Variants in MVB12A observed in about 807,000 individuals in gnomAD.
MVB12A encodes the protein multivesicular body subunit 12A.
A neutral mutation model predicts 34.3 loss-of-function variants in MVB12A; 30 were observed. The observed-to-expected ratio is 0.88, with a 90% confidence interval of 0.65 to 1.19. The LOEUF is 1.19. MVB12A is among the 50% of genes most tolerant of loss of function. The pLI, the probability that MVB12A is intolerant of heterozygous loss-of-function variation, is 0.00. For synonymous variants in MVB12A, 158 were observed against 158.9 expected (o/e 0.99, Z 0.04); for missense variants, 355 against 369.2 (o/e 0.96, Z 0.31).
chr19:17,424,486 A>C (rs1470569350), intron 7 of MVB12A, 135 bp from the exon 8 acceptor site: 5 of 952,536 alleles, frequency 5.2e-6, no homozygotes, highest in African/African-American at 5.0e-5. Flanking sequence ...CAAAACAAAC[A>C]AGAAAAATAA....
intron 2 of MVB12A, among the ~76,000 whole-genome samples, chr19:17,410,726 C>T (rs1409819061): frequency 1.4e-5 from 2 of 145,838 alleles, no homozygotes; most frequent in Non-Finnish European, 3.0e-5. Flanking sequence ...GTCAGGAGTT[C>T]GAGACCAGCC....
chr19:17,424,695 G>A lies in MVB12A; in HGVS notation c.759+18G>A. On this transcript the variant is annotated intron_variant, in intron 8 of 8. Transcript: ENST00000317040. Reference sequence around the variant, plus strand: ...AGGAGGAGGTGGGTGCAGGGCTAGGGAGGAGGTGGGTGCAGGGCTAGGGAG... The same window carrying A: ...AGGAGGAGGTGGGTGCAGGGCTAGGAAGGAGGTGGGTGCAGGGCTAGGGAG... The A allele has an allele frequency of 6.2e-7, 1 of 1,600,030 alleles. No homozygotes were observed. The highest frequency in any genetic ancestry group is 8.5e-7 in the Non-Finnish European group (1 of 1,171,060).
chr19:17,424,139 TC>T, intron 7 of MVB12A, 72 bp downstream of exon 7: 1 of 1,455,886 alleles, frequency 6.9e-7, no homozygotes, highest in Non-Finnish European at 9.6e-7. Context: ...CATCCCTGTA[TC>T]CAGTGCCCCA....
intron 2 of MVB12A, among the ~76,000 whole-genome samples, chr19:17,408,510 G>A (rs1031662725): frequency 2.0e-5 from 3 of 150,442 alleles, no homozygotes; most frequent in African/African-American, 4.9e-5. Flanking sequence ...GCAGTGGCAC[G>A]ATCTTGGCTC....
intron 7 of MVB12A, 61 bp from the exon 8 acceptor site, chr19:17,424,560 C>G: frequency 2.4e-5 from 38 of 1,567,826 alleles, no homozygotes; most frequent in Non-Finnish European, 3.2e-5. Flanking sequence ...CCCTTGAAGA[C>G]GAAGGAAAGG....
intron 7 of MVB12A, among the ~76,000 whole-genome samples, chr19:17,424,371 C>T (rs758288832): frequency 3.3e-5 from 5 of 152,072 alleles, no homozygotes; most frequent in Non-Finnish European, 7.4e-5. Context: ...CACTTGAGGC[C>T]AGGAGATCGA....
At chr19:17,418,830 G>C (rs1420225559), upstream of MVB12A, 28 of 138,008 alleles carry the variant, frequency 2.0e-4, no homozygotes, top group Non-Finnish European at 1.8e-4. Flanking sequence ...CTGTTACCCT[G>C]TTGCCATGAC....
At chr19:17,417,891 C>CT (rs2074811176), upstream of MVB12A, 4 of 278,702 alleles carry the variant, frequency 1.4e-5, no homozygotes, top group South Asian at 9.8e-5. Context: ...GGTTTTTCTT[C>CT]TTCTTCTTCC....
At chr19:17,411,154 G>C (rs1405128590) in intron 2 of MVB12A, among the ~76,000 whole-genome samples, 1 of 150,876 alleles carries the variant, frequency 6.6e-6, no homozygotes, top group African/African-American at 2.4e-5. Context: ...TTTTAGTAGA[G>C]ACAGGGTTTC....
chr19:17,422,463 G>GCTAC lies in MVB12A; in HGVS notation c.413+5_413+6insCTAC. On this transcript the variant is annotated splice_donor_region_variant and intron_variant, in intron 4 of 8. Coordinates refer to ENST00000317040, the MANE Select transcript of MVB12A (RefSeq NM_138401.4). Reference sequence around the variant, plus strand: ...GCCTGGATACCTTCGAATAGGGTAGGGCCACCCCCCAGTGTCTAGCCACCT... The same window carrying GCTAC: ...GCCTGGATACCTTCGAATAGGGTAGGCTACGCCACCCCCCAGTGTCTAGCCACCT... The GCTAC allele has an allele frequency of 1.9e-6, 3 of 1,605,694 alleles. No individual in the cohort carries two copies. The highest frequency in any genetic ancestry group is 2.6e-6 in the Non-Finnish European group (3 of 1,175,064).
chr19:17,420,077 G>A lies in MVB12A; in HGVS notation c.-59G>A. ...TCGGTCGCGAGCGCTGCCGTCGGGA[G>A]GCGCTCCGAGGTTCGAGGCTGTGCC... On this transcript the variant is annotated 5_prime_UTR_variant, in exon 1 of 9. Transcript: ENST00000317040. 8.3e-7 allele frequency: 1 copy of A among 1,199,980 alleles called. No homozygotes were observed. Among genetic ancestry groups the A allele is most frequent in the Non-Finnish European group, 1.1e-6 (1 of 942,072 alleles). 74.3% of individuals were successfully genotyped at this position (1,199,980 alleles called of 1,614,324 possible). A position where few individuals can be genotyped will look rare whatever the true frequency, so the allele number is the denominator to read the frequency against.
At position 17,420,428 on chromosome 19, in the gene MVB12A, T is replaced by C; in HGVS notation, c.189+17T>C. 6.2e-7 allele frequency: 1 copy of C among 1,612,198 alleles called. No homozygotes were observed. The highest frequency in any genetic ancestry group is 8.5e-7 in the Non-Finnish European group (1 of 1,178,318). On this transcript the variant is annotated intron_variant, in intron 2 of 8. Coordinates refer to ENST00000317040, the MANE Select transcript of MVB12A (RefSeq NM_138401.4). ...AGCCTAGAGGTAAGAGGTGCCCACC[T>C]TCGGAACCACCAGGGTCTGCCCACC...
chr19:17,425,281 C>A lies in MVB12A; in HGVS notation c.*288C>A. The stretch of plus-strand genomic sequence containing the variant: ...CATTTGTGTCAAAACCCTCTGGGGT[C>A]CGGAGGCTGTGCGGGTGTCCTCCTG... On this transcript the variant is annotated 3_prime_UTR_variant, in exon 9 of 9. Coordinates refer to ENST00000317040, the MANE Select transcript of MVB12A (RefSeq NM_138401.4). The A allele has an allele frequency of 2.3e-6, 1 of 431,968 alleles. No individual in the cohort carries two copies. The highest frequency in any genetic ancestry group is 4.1e-6 in the Non-Finnish European group (1 of 242,906). The allele number at this position is 431,968 out of a possible 1,614,324, so 26.8% of individuals were successfully genotyped here.
Position 17,424,062 on chromosome 19 carries a change from C to A in MVB12A, c.697C>A (p.Pro233Thr), listed in dbSNP as rs778126879. Residue 233 changes from proline (P) to threonine (T), a missense_variant, in exon 7 of 9, where the codon CCC becomes ACC. Transcript: ENST00000317040. ...ACGATTTGAGGGCAAGAGCTGCAGC[C>A]CCCTGGTGAGTCGGGGTCTCAGGGA... is the stretch of plus-strand genomic sequence containing the variant. ...HPRFEGKSCS[P>T]LAFSAFGDLT... 1.2e-6 allele frequency: 2 copies of A among 1,614,094 alleles called. No homozygotes were observed. Among genetic ancestry groups the A allele is most frequent in the Non-Finnish European group, 1.7e-6 (2 of 1,180,002 alleles).
In MVB12A at chr19:17,423,494, C is replaced by T. The variant is rs774153982; in HGVS notation, c.414-4C>T. ...CATCCCTCCCACCTTCCCTCCTGGTCCAGGGACATGGGCGGCTTTGCCATC... is the reference window on the plus strand; with the variant it reads ...CATCCCTCCCACCTTCCCTCCTGGTTCAGGGACATGGGCGGCTTTGCCATC... On this transcript the variant is annotated splice_polypyrimidine_tract_variant and splice_region_variant and intron_variant, in intron 4 of 8. Coordinates refer to ENST00000317040, the MANE Select transcript of MVB12A (RefSeq NM_138401.4). 4.3e-6 allele frequency: 7 copies of T among 1,611,986 alleles called. No individual in the cohort carries two copies. In the African/African-American group the frequency reaches 9.3e-5, roughly 22 times the overall value.
At chr19:17,424,812 C>G in intron 8 of MVB12A, 119 bp from the exon 9 acceptor site, 1 of 1,323,172 alleles carries the variant, frequency 7.6e-7, no homozygotes, top group Non-Finnish European at 1.1e-6. Flanking sequence ...CACACCATCT[C>G]TCCAGGGCAG....
intron 3 of MVB12A, 183 bp downstream of exon 3, chr19:17,420,817 A>G: frequency 1.6e-6 from 1 of 641,008 alleles, no homozygotes; most frequent in Non-Finnish European, 2.8e-6. Context: ...TCCTGATTCA[A>G]AATGTGTGAT....
chr19:17,424,393 C>A (rs1568392651), intron 7 of MVB12A, among the ~76,000 whole-genome samples: 1 of 152,064 alleles, frequency 6.6e-6, no homozygotes, highest in African/African-American at 2.4e-5. Flanking sequence ...ACCAGCCTGG[C>A]CAACATGGTG....
intron 2 of MVB12A, among the ~76,000 whole-genome samples, chr19:17,409,380 C>G (rs1399529408): frequency 1.3e-5 from 2 of 151,254 alleles, no homozygotes; most frequent in Non-Finnish European, 2.9e-5. Flanking sequence ...ATCCACCCGA[C>G]TTGGCCTCCC....
Sources: gnomAD v4.1 joint callset for allele counts (sites outside exome capture counted in the v4.1 genomes callset) on GRCh38, gnomAD v4.1.1 for gene constraint, MANE v1.5 for transcripts, NCBI Gene and HGNC (gene_info 2026-07-23, HGNC 2026-07-21) for gene names.